The following AGBL1 variants were observed in gnomAD, a reference collection of about 807,000 sequenced individuals.
AGBL1 encodes cytosolic carboxypeptidase 4.
Under a neutral mutation model 118.9 loss-of-function variants are expected in AGBL1, and 130 were observed. That is an observed-to-expected ratio of 1.09 (90% CI 0.95 to 1.26). AGBL1 has a LOEUF of 1.26. Among genes scored for constraint, AGBL1 ranks in the 50% most tolerant of loss-of-function variants. The pLI is 0.00. For synonymous variants in AGBL1, 555 were observed against 478.9 expected (o/e 1.16, Z -2.08); for missense variants, 1,584 against 1,298.1 (o/e 1.22, Z -3.38).
At chr15:86,546,219 TAG>T in intron 20 of AGBL1, 86 bp downstream of exon 20, 6 of 1,312,486 alleles carry the variant, frequency 4.6e-6, no homozygotes, top group African/African-American at 1.5e-5. Context: ...CTCATTTATT[TAG>T]TTTTTTTTTT....
intron 17 of AGBL1, among the ~76,000 whole-genome samples, chr15:86,330,279 A>G (rs999730293): frequency 1.3e-4 from 20 of 152,226 alleles, no homozygotes; most frequent in African/African-American, 4.3e-4. Context: ...CCCATAAGGT[A>G]CGTCTACTGG....
chr15:86,376,288 T>A (rs1010523455), intron 17 of AGBL1, among the ~76,000 whole-genome samples: 1 of 152,210 alleles, frequency 6.6e-6, no homozygotes, highest in Admixed American at 6.5e-5. Flanking sequence ...TCTGCAAAAC[T>A]GCCCTCACTC....
chr15:86,160,671 T>A (rs2077255536), intron 5 of AGBL1, among the ~76,000 whole-genome samples: 1 of 152,242 alleles, frequency 6.6e-6, no homozygotes. Context: ...CTTCTTCTAA[T>A]CTGATGCTGT....
chr15:86,763,450 T>C (rs889113679), intron 22 of AGBL1, among the ~76,000 whole-genome samples: 1 of 151,958 alleles, frequency 6.6e-6, no homozygotes, highest in Non-Finnish European at 1.5e-5. Context: ...ATACTCACTT[T>C]AGTGAAAAAA....
chr15:87,021,329 ACAAACATTAACT>A (rs1314917278), intron 24 of AGBL1, among the ~76,000 whole-genome samples: 4 of 152,196 alleles, frequency 2.6e-5, no homozygotes, highest in Non-Finnish European at 5.9e-5. Flanking sequence ...TACACGATAT[ACAAACATTAACT>A]CAAGATGGTT....
At chr15:86,996,244 T>C (rs2081379144) in intron 24 of AGBL1, among the ~76,000 whole-genome samples, 1 of 152,048 alleles carries the variant, frequency 6.6e-6, no homozygotes, top group African/African-American at 2.4e-5. Flanking sequence ...AAGAGTATGC[T>C]TGTGTAACTA....
chr15:86,600,376 G>T (rs192246355), intron 21 of AGBL1, among the ~76,000 whole-genome samples: 1 of 152,288 alleles, frequency 6.6e-6, no homozygotes, highest in Admixed American at 6.5e-5. Flanking sequence ...TTATCAGACA[G>T]GTGGTACATG....
chr15:86,753,436 C>T (rs146414239), intron 22 of AGBL1, among the ~76,000 whole-genome samples: 2,075 of 126,610 alleles, frequency 0.016, 36 homozygotes, highest in South Asian at 0.032. Context: ...CTTACTCTGT[C>T]GCCCAGGCTG....
At chr15:86,259,291 T>C (rs1429868565) in intron 9 of AGBL1, among the ~76,000 whole-genome samples, 1 of 152,214 alleles carries the variant, frequency 6.6e-6, no homozygotes, top group East Asian at 1.9e-4. Context: ...TAAGAATTTG[T>C]CTGTGAATTA....
chr15:86,604,903 C>T (rs564367378), intron 21 of AGBL1, among the ~76,000 whole-genome samples: 41 of 149,368 alleles, frequency 2.7e-4, no homozygotes, highest in African/African-American at 9.6e-4. Context: ...TCAAACAATT[C>T]TCCTGCCTCA....
chr15:86,355,279 T>C (rs867679621), intron 17 of AGBL1, among the ~76,000 whole-genome samples: 4 of 152,212 alleles, frequency 2.6e-5, no homozygotes, highest in African/African-American at 9.6e-5. Flanking sequence ...TGTGGGAACA[T>C]ACGCAGATAT....
intron 17 of AGBL1, among the ~76,000 whole-genome samples, chr15:86,312,969 G>T (rs1363308408): frequency 1.3e-5 from 2 of 152,178 alleles, no homozygotes; most frequent in East Asian, 3.9e-4. Context: ...CAAAAGAAAA[G>T]GATTTATGCG....
chr15:86,528,416 GC>G (rs1254444526), intron 19 of AGBL1, among the ~76,000 whole-genome samples: 2 of 152,238 alleles, frequency 1.3e-5, no homozygotes, highest in East Asian at 3.9e-4. Flanking sequence ...AAAAAACGGC[GC>G]ACCACGAGAC....
intron 21 of AGBL1, among the ~76,000 whole-genome samples, chr15:86,612,707 C>T (rs1395358307): frequency 6.6e-6 from 1 of 152,168 alleles, no homozygotes; most frequent in Non-Finnish European, 1.5e-5. Context: ...GGAAAATTTG[C>T]ACTCGGTAGA....
At chr15:86,483,382 A>C (rs2082676080) in intron 18 of AGBL1, among the ~76,000 whole-genome samples, 2 of 152,030 alleles carry the variant, frequency 1.3e-5, no homozygotes, top group African/African-American at 4.8e-5. Flanking sequence ...GTTGATATCG[A>C]TGGTGGAGCC....
intron 22 of AGBL1, among the ~76,000 whole-genome samples, chr15:86,858,423 T>A (rs1291029552): frequency 6.6e-6 from 1 of 151,806 alleles, no homozygotes; most frequent in African/African-American, 2.4e-5. Context: ...CAGGAGACAG[T>A]TTCTGACTTC....
chr15:86,936,035 C>T (rs920264314), intron 23 of AGBL1, among the ~76,000 whole-genome samples: 3 of 152,342 alleles, frequency 2.0e-5, no homozygotes, highest in African/African-American at 4.8e-5. Flanking sequence ...AGGCAGAGGC[C>T]GCCACTGAGC....
At chr15:86,899,761 A>T (rs1455620686) in intron 22 of AGBL1, among the ~76,000 whole-genome samples, 2 of 152,138 alleles carry the variant, frequency 1.3e-5, no homozygotes, top group Non-Finnish European at 2.9e-5. Flanking sequence ...TGCTTTGGTG[A>T]TACATTGCAG....
intron 17 of AGBL1, among the ~76,000 whole-genome samples, chr15:86,306,387 C>A (rs1306757667): frequency 6.6e-6 from 1 of 152,100 alleles, no homozygotes; most frequent in Non-Finnish European, 1.5e-5. Context: ...ATTTTTAGAT[C>A]CCACAATTAA....
Sources: allele counts gnomAD v4.1 joint callset (sites outside exome capture counted in the v4.1 genomes callset), GRCh38; gene constraint gnomAD v4.1.1; transcripts MANE v1.5; gene names NCBI Gene and HGNC (gene_info 2026-07-23, HGNC 2026-07-21).